TYW1B: variants seen among roughly 807,000 people sequenced by gnomAD.
The protein encoded by TYW1B is tRNA-yW synthesizing protein 1 homolog B.
TYW1B carries 73 observed loss-of-function variants against 86.9 expected under a neutral mutation model. That is an observed-to-expected ratio of 0.84 (90% CI 0.70 to 1.02). TYW1B has a LOEUF of 1.02. Ranked by LOEUF, TYW1B falls within the 50% of genes least tolerant of loss-of-function variation. TYW1B has a pLI of 0.00. For synonymous variants in TYW1B, 248 were observed against 292.8 expected (o/e 0.85, Z 1.56); for missense variants, 637 against 827.4 (o/e 0.77, Z 2.82).
At chr7:72,791,451 T>C (rs1164311977) in intron 6 of TYW1B, among the ~76,000 whole-genome samples, 5 of 150,706 alleles carry the variant, frequency 3.3e-5, no homozygotes, top group Non-Finnish European at 5.9e-5. Flanking sequence ...AAAACTATTC[T>C]GACCTGAGGA....
In TYW1B at chr7:72,638,611, G is replaced by A. The variant is rs138505887; in HGVS notation, c.1507-9614C>T. Among the ~76,000 whole-genome samples, 687 of 152,310 alleles carry A rather than the reference G, an allele frequency of 4.5e-3. 4 individuals are homozygous for A. Among genetic ancestry groups the A allele is most frequent in the African/African-American group, 0.015 (631 of 41,572 alleles). On this transcript the variant is annotated intron_variant, in intron 11 of 13. Coordinates refer to ENST00000620995, the MANE Select transcript of TYW1B (RefSeq NM_001145440.3). Reference sequence around the variant, plus strand: ...TTAATATCAGGAGCAAAGCAAGGATGTCTTCTCTCACCACTGCTTTTCAAC... The same window carrying A: ...TTAATATCAGGAGCAAAGCAAGGATATCTTCTCTCACCACTGCTTTTCAAC...
intron 7 of TYW1B, among the ~76,000 whole-genome samples, chr7:72,757,650 C>CA (rs1787615660): frequency 6.6e-6 from 1 of 152,086 alleles, no homozygotes; most frequent in Non-Finnish European, 1.5e-5. Flanking sequence ...TTATCAGAAT[C>CA]AATATGGAGT....
intron 2 of TYW1B, among the ~76,000 whole-genome samples, chr7:72,816,782 G>C (rs1367722972): frequency 1.3e-5 from 2 of 152,184 alleles, no homozygotes; most frequent in Non-Finnish European, 2.9e-5. Context: ...CTGAACAATG[G>C]AGACTGTTGA....
At chr7:72,708,033 C>T (rs115873741) in intron 10 of TYW1B, among the ~76,000 whole-genome samples, 2,075 of 152,276 alleles carry the variant, frequency 0.014, 59 homozygotes, top group African/African-American at 0.047. Context: ...CCTCCCCTGC[C>T]GTGCTTCCTC....
At chr7:72,812,774 C>A (rs1563103392) in intron 3 of TYW1B, among the ~76,000 whole-genome samples, 1 of 151,264 alleles carries the variant, frequency 6.6e-6, no homozygotes, top group African/African-American at 2.4e-5. Flanking sequence ...CAGCTCACTG[C>A]AACCTCCACC....
intron 13 of TYW1B, among the ~76,000 whole-genome samples, chr7:72,586,888 T>C (rs1176631783): frequency 6.6e-6 from 1 of 151,964 alleles, no homozygotes; most frequent in Non-Finnish European, 1.5e-5. Flanking sequence ...TTTGTTTGGG[T>C]AAAATTCATC....
intron 9 of TYW1B, among the ~76,000 whole-genome samples, chr7:72,726,535 T>A (rs547722862): frequency 6.6e-6 from 1 of 152,104 alleles, no homozygotes; most frequent in East Asian, 1.9e-4. Flanking sequence ...GGCTAATTTT[T>A]GTATTTTTAG....
intron 11 of TYW1B, among the ~76,000 whole-genome samples, chr7:72,675,517 T>C (rs2961005): frequency 0.78 from 116,156 of 149,734 alleles, 45,725 homozygotes; most frequent in Middle Eastern, 0.86. Context: ...TATTTTTATG[T>C]TGCCCTAATA....
rs541802041 is a variant in TYW1B at position 72,759,618 on chromosome 7, T to G, written c.965-15017A>C. 6.3e-4 allele frequency among the ~76,000 whole-genome samples: 96 copies of G among 152,280 alleles called. 1 individual carries two copies. The highest frequency in any genetic ancestry group is 1.3e-3 in the Non-Finnish European group (88 of 68,018). On this transcript the variant is annotated intron_variant, in intron 7 of 13. Coordinates refer to ENST00000620995, the MANE Select transcript of TYW1B (RefSeq NM_001145440.3). ...GCAACTATGGAGTTAACATGTTGAG[T>G]CTTCTAACTCACTATCTCTCTATTT...
At chr7:72,622,312 G>A (rs1812237378) in intron 12 of TYW1B, among the ~76,000 whole-genome samples, 1 of 152,220 alleles carries the variant, frequency 6.6e-6, no homozygotes, top group South Asian at 2.1e-4. Context: ...AAACCGATAT[G>A]ATAAAGCAGT....
At position 72,716,805 on chromosome 7, in the gene TYW1B, A is replaced by ATTTTT. The variant is rs71071904; in HGVS notation, c.1193-3012_1193-3008dup. On this transcript the variant is annotated intron_variant, in intron 9 of 13. Coordinates refer to ENST00000620995, the MANE Select transcript of TYW1B (RefSeq NM_001145440.3). ...AGGCACACACCACCACGTCTGGCTA[A>ATTTTT]TTTTTTTTTTTTTTTTGTATTTTTA... Among the ~76,000 whole-genome samples, 228 of 136,434 alleles carry ATTTTT rather than the reference A, an allele frequency of 1.7e-3. 2 individuals carry two copies. The highest frequency in any genetic ancestry group is 5.4e-3 in the Admixed American group (73 of 13,420). 89.5% of individuals were successfully genotyped at this position (136,434 alleles called of 152,430 possible).
chr7:72,805,697 G>A (rs1170872806), intron 5 of TYW1B, among the ~76,000 whole-genome samples: 1 of 152,018 alleles, frequency 6.6e-6, no homozygotes, highest in East Asian at 1.9e-4. Context: ...AATTTCAGAT[G>A]TGCCTATGTA....
chr7:72,798,139 C>T (rs1224084768), intron 6 of TYW1B, among the ~76,000 whole-genome samples: 1 of 152,108 alleles, frequency 6.6e-6, no homozygotes, highest in Admixed American at 6.6e-5. Flanking sequence ...CGCGGTGGCT[C>T]ATGCCTGTAA....
chr7:72,588,834 A>G (rs1554430926), intron 13 of TYW1B, among the ~76,000 whole-genome samples: 1 of 149,610 alleles, frequency 6.7e-6, no homozygotes, highest in African/African-American at 2.5e-5. Context: ...TTTTTTTGAG[A>G]CAGAGTCTTG....
rs146388891 is a variant in TYW1B, at chr7:72,756,953, G to T, written c.965-12352C>A. On this transcript the variant is annotated intron_variant, in intron 7 of 13. Coordinates refer to ENST00000620995, the MANE Select transcript of TYW1B (RefSeq NM_001145440.3). ...AGAGATACCACCTGATACGCCCTAG[G>T]ATGGCAATAATCAAAAAAATGAACA... Among the ~76,000 whole-genome samples the T allele has an allele frequency of 8.2e-4, 125 of 152,242 alleles. 1 individual carries two copies. The highest frequency in any genetic ancestry group is 2.9e-3 in the African/African-American group (121 of 41,550).
intron 11 of TYW1B, among the ~76,000 whole-genome samples, chr7:72,656,387 C>CTTT (rs1396913637): frequency 1.3e-5 from 2 of 152,082 alleles, no homozygotes; most frequent in Admixed American, 6.6e-5. Context: ...GATAAGGACA[C>CTTT]AAGAATGATG....
chr7:72,818,071 G>A (rs1788757913), intron 2 of TYW1B, among the ~76,000 whole-genome samples: 2 of 148,698 alleles, frequency 1.3e-5, no homozygotes, highest in East Asian at 2.0e-4. Flanking sequence ...TTCATAGCTG[G>A]CTGTTAAAAA....
chr7:72,647,050 C>G (rs1426805675), intron 11 of TYW1B, among the ~76,000 whole-genome samples: 1 of 152,144 alleles, frequency 6.6e-6, no homozygotes, highest in African/African-American at 2.4e-5. Context: ...TCAAGACATA[C>G]TGTAGTTGAG....
intron 7 of TYW1B, among the ~76,000 whole-genome samples, chr7:72,765,675 A>G (rs1318872009): frequency 6.6e-6 from 1 of 152,156 alleles, no homozygotes; most frequent in Non-Finnish European, 1.5e-5. Flanking sequence ...AATGTTGGCC[A>G]GGCTAGTCTT....
Sources: gnomAD v4.1 joint callset for allele counts (sites outside exome capture counted in the v4.1 genomes callset) on GRCh38, gnomAD v4.1.1 for gene constraint, MANE v1.5 for transcripts, NCBI Gene and HGNC (gene_info 2026-07-23, HGNC 2026-07-21) for gene names.